The following TESC variants were observed in gnomAD, a reference collection of about 807,000 sequenced individuals.
The protein encoded by TESC is calcineurin B homologous protein 3.
A neutral mutation model predicts 31.0 loss-of-function variants in TESC; 19 were observed. The observed-to-expected ratio is 0.61, with a 90% CI of 0.43 to 0.90. The LOEUF (loss-of-function observed/expected upper bound fraction) is 0.90, where lower values mean the gene tolerates loss of function less well. Among genes scored for constraint, TESC ranks in the 40% least tolerant of loss-of-function variants. The pLI, the probability that TESC is intolerant of heterozygous loss-of-function variation, is 0.00. For synonymous variants in TESC, 109 were observed against 114.8 expected, an observed-to-expected ratio of 0.95 and a Z score of 0.32; for missense variants, 248 against 303.8, an observed-to-expected ratio of 0.82 and a Z score of 1.36.
intron 1 of TESC, among the ~76,000 whole-genome samples, chr12:117,096,604 G>A (rs995525746): frequency 8.5e-5 from 13 of 152,060 alleles, no homozygotes; most frequent in African/African-American, 2.9e-4. Flanking sequence ...CCATGTACAT[G>A]TGTTTGGTCT....
At chr12:117,095,510 C>A (rs534110497) in intron 1 of TESC, among the ~76,000 whole-genome samples, 1 of 152,310 alleles carries the variant, frequency 6.6e-6, no homozygotes, top group East Asian at 1.9e-4. Context: ...ATACGGGAGT[C>A]TTTTCCTATC....
At chr12:117,066,373 AT>A (rs55744717) in intron 2 of TESC, among the ~76,000 whole-genome samples, 152 of 129,582 alleles carry the variant, frequency 1.2e-3, no homozygotes, top group East Asian at 1.1e-3. Flanking sequence ...TGAATGGCTA[AT>A]TTTTTTTTTT....
intron 2 of TESC, among the ~76,000 whole-genome samples, chr12:117,060,380 C>T (rs1379187818): frequency 1.3e-5 from 2 of 152,118 alleles, no homozygotes; most frequent in African/African-American, 2.4e-5. Flanking sequence ...GTCAAAGTCC[C>T]TCTGTGTGTG....
At chr12:117,077,696 T>C (rs1955092131) in intron 1 of TESC, among the ~76,000 whole-genome samples, 1 of 152,192 alleles carries the variant, frequency 6.6e-6, no homozygotes, top group Admixed American at 6.5e-5. Context: ...AAAACTCAAC[T>C]ACAATGTTAG....
intron 1 of TESC, among the ~76,000 whole-genome samples, chr12:117,075,875 G>GTA (rs528031954): frequency 7.0e-4 from 44 of 62,508 alleles, no homozygotes; most frequent in East Asian, 1.6e-3. Flanking sequence ...ATATATGTGT[G>GTA]TATATATATA....
chr12:117,075,893 A>ATG (rs1265142816), intron 1 of TESC, among the ~76,000 whole-genome samples: 948 of 82,128 alleles, frequency 0.012, 57 homozygotes, highest in African/African-American at 0.03. Flanking sequence ...ATATATATAT[A>ATG]TATATATATA....
At chr12:117,048,928 C>A in intron 4 of TESC, 91 bp downstream of exon 4, 2 of 1,588,460 alleles carry the variant, frequency 1.3e-6, no homozygotes, top group Non-Finnish European at 1.7e-6. Flanking sequence ...GCACACCCAG[C>A]CTCCTGCTGC....
intron 1 of TESC, among the ~76,000 whole-genome samples, chr12:117,080,781 G>A (rs930414152): frequency 3.3e-5 from 5 of 150,924 alleles, no homozygotes; most frequent in East Asian, 2.0e-4. Context: ...CCCCACACCC[G>A]GGCTGACCCT....
chr12:117,043,299 G>A (rs1954511577), intron 6 of TESC, among the ~76,000 whole-genome samples: 1 of 151,536 alleles, frequency 6.6e-6, no homozygotes, highest in Non-Finnish European at 1.5e-5. Context: ...AGAGGACCTG[G>A]GCTGGTGGGG....
At chr12:117,097,690 C>CA (rs1394222050) in intron 1 of TESC, among the ~76,000 whole-genome samples, 4 of 152,040 alleles carry the variant, frequency 2.6e-5, no homozygotes, top group Non-Finnish European at 5.9e-5. Flanking sequence ...TCAAAATGAA[C>CA]ATATAAAAAC....
intron 2 of TESC, among the ~76,000 whole-genome samples, chr12:117,063,437 A>C (rs1047459734): frequency 7.2e-5 from 11 of 152,056 alleles, no homozygotes; most frequent in Admixed American, 7.2e-4. Context: ...GGCTCAAAAA[A>C]CCACCGAGGA....
In TESC at chr12:117,057,498, C is replaced by CCTT. The variant is rs555129258; in HGVS notation, c.129-613_129-612insAAG. Among the ~76,000 whole-genome samples, 373 of 152,274 alleles carry CCTT rather than the reference C, an allele frequency of 2.4e-3. 3 individuals are homozygous for CCTT. The highest frequency in any genetic ancestry group is 8.4e-3 in the African/African-American group (351 of 41,566). On this transcript the variant is annotated intron_variant, in intron 2 of 7. Transcript: ENST00000335209. ...GTCCATTCTGGGGATTCAGAGACTG[C>CCTT]CTGAAGCCCATCCTCAAATCCCTAG...
At chr12:117,068,035 G>A (rs1334447952) in intron 2 of TESC, among the ~76,000 whole-genome samples, 1 of 152,158 alleles carries the variant, frequency 6.6e-6, no homozygotes, top group East Asian at 1.9e-4. Flanking sequence ...AGGACCACAG[G>A]TGCATGCCAC....
chr12:117,067,489 T>C (rs549932432), intron 2 of TESC, among the ~76,000 whole-genome samples: 14 of 152,136 alleles, frequency 9.2e-5, no homozygotes, highest in Non-Finnish European at 1.9e-4. Flanking sequence ...GGATGATCGC[T>C]TGAGCCCGGG....
At position 117,099,289 on chromosome 12, in the gene TESC, C is replaced by T. The variant is rs1243055315; in HGVS notation, c.-7G>A. On this transcript the variant is annotated 5_prime_UTR_variant, in exon 1 of 8. Transcript: ENST00000335209. Reference sequence around the variant, plus strand: ...CGGAGTGGGCAGCGCCCATGGTGCCCGCGGCGGGGGCCCCGGGGCGCGCGT... The same window carrying T: ...CGGAGTGGGCAGCGCCCATGGTGCCTGCGGCGGGGGCCCCGGGGCGCGCGT... 2.8e-6 allele frequency: 4 copies of T among 1,434,248 alleles called. No individual in the cohort carries two copies. Among genetic ancestry groups the T allele is most frequent in the African/African-American group, 3.0e-5 (2 of 66,758 alleles). 88.8% of individuals were successfully genotyped at this position (1,434,248 alleles called of 1,614,324 possible). A position where few individuals can be genotyped will look rare whatever the true frequency, so the allele number is the denominator to read the frequency against.
intron 6 of TESC, among the ~76,000 whole-genome samples, chr12:117,045,605 C>T (rs563276884): frequency 1.4e-4 from 22 of 152,324 alleles, no homozygotes; most frequent in African/African-American, 4.8e-4. Flanking sequence ...GGAAACCAAC[C>T]GACCACAGCC....
intron 7 of TESC, among the ~76,000 whole-genome samples, chr12:117,041,734 A>G (rs1235434753): frequency 6.6e-6 from 1 of 152,220 alleles, no homozygotes; most frequent in African/African-American, 2.4e-5. Context: ...TGTTTTGACT[A>G]CGTGTGAATA....
Position 117,050,575 on chromosome 12 carries a change from C to T in TESC, c.210-1417G>A, listed in dbSNP as rs374413625. ...GGGAGTTCATGCCCCATGCCCGGCA[C>T]ACTGCCTGACACCCAGATGAGGGAC... On this transcript the variant is annotated intron_variant, in intron 3 of 7. Transcript: ENST00000335209. 2.0e-5 allele frequency among the ~76,000 whole-genome samples: 3 copies of T among 152,380 alleles called. No individual in the cohort carries two copies. The South Asian group carries it at 6.2e-4, about 32-fold the overall frequency.
chr12:117,064,085 C>T (rs1286527671), intron 2 of TESC, among the ~76,000 whole-genome samples: 1 of 151,976 alleles, frequency 6.6e-6, no homozygotes, highest in East Asian at 1.9e-4. Context: ...CCACCACACC[C>T]AATTTATTTT....
Sources: gnomAD v4.1 joint callset for allele counts (sites outside exome capture counted in the v4.1 genomes callset) on GRCh38, gnomAD v4.1.1 for gene constraint, MANE v1.5 for transcripts, NCBI Gene and HGNC (gene_info 2026-07-23, HGNC 2026-07-21) for gene names.